The following LRRC8D variants were observed in gnomAD, a reference collection of about 807,000 sequenced individuals.
The protein encoded by LRRC8D is leucine rich repeat containing 8 VRAC subunit D.
A neutral mutation model predicts 55.8 loss-of-function variants in LRRC8D; 20 were observed. The ratio of observed to expected loss-of-function variants is 0.36; its 90% CI spans 0.25 to 0.52. The LOEUF (loss-of-function observed/expected upper bound fraction) is 0.52, where lower values mean the gene tolerates loss of function less well. Among genes scored for constraint, LRRC8D ranks in the 20% least tolerant of loss-of-function variants. The pLI is 0.93. For missense variants in LRRC8D, 651 were observed against 1,030.8 expected, an observed-to-expected ratio of 0.63 and a Z score of 5.05; for synonymous variants, 352 against 377.0, an observed-to-expected ratio of 0.93 and a Z score of 0.77.
At chr1:89,882,692 A>G (rs928734103) in intron 2 of LRRC8D, among the ~76,000 whole-genome samples, 1 of 152,242 alleles carries the variant, frequency 6.6e-6, no homozygotes, top group Non-Finnish European at 1.5e-5. Flanking sequence ...CAAAGTGCTA[A>G]TAAATGTTGA....
Position 89,870,543 on chromosome 1 carries a change from A to G in LRRC8D, c.-3+26761A>G, listed in dbSNP as rs555509853. ...CCTCAGTTTTCTAAGTCAAGAAGAG[A>G]GTCTAGTTAAATTTTGTGTACTTTT... On this transcript the variant is annotated intron_variant, in intron 2 of 2. Transcript: ENST00000337338. Among the ~76,000 whole-genome samples the G allele has an allele frequency of 2.0e-5, 3 of 152,160 alleles. No homozygotes were observed. In the East Asian group the frequency reaches 5.8e-4, roughly 29 times the overall value.
At chr1:89,848,635 A>G (rs1168585094) in intron 2 of LRRC8D, among the ~76,000 whole-genome samples, 2 of 152,148 alleles carry the variant, frequency 1.3e-5, no homozygotes, top group African/African-American at 4.8e-5. Flanking sequence ...ACAAATAGAC[A>G]CTGATTATCT....
intron 2 of LRRC8D, among the ~76,000 whole-genome samples, chr1:89,892,696 T>A (rs1046474183): frequency 2.0e-5 from 3 of 152,070 alleles, no homozygotes; most frequent in Non-Finnish European, 4.4e-5. Context: ...TTTTTTTGTA[T>A]TTTTTAGTAG....
chr1:89,915,676 T>C lies in LRRC8D; in HGVS notation c.-2-17391T>C, dbSNP rs116900770. Among the ~76,000 whole-genome samples, 595 of 152,308 alleles carry C rather than the reference T, an allele frequency of 3.9e-3. 28 individuals are homozygous for C. The East Asian group carries it at 0.1, about 26-fold the overall frequency. On this transcript the variant is annotated intron_variant, in intron 2 of 2. Transcript: ENST00000337338. ...ACCCCAGGGCATATATAAATGTCCT[T>C]TCCTCTGTGGGCCATAAAGTGAAAC... is the stretch of plus-strand genomic sequence containing the variant.
At chr1:89,877,296 C>A (rs1662171347) in intron 2 of LRRC8D, among the ~76,000 whole-genome samples, 1 of 151,918 alleles carries the variant, frequency 6.6e-6, no homozygotes, top group East Asian at 1.9e-4. Flanking sequence ...CTGCCACTTA[C>A]AGCTTTTTGA....
rs1663123434 is a variant in LRRC8D, at chr1:89,911,063, T to C, written c.-2-22004T>C. Among the ~76,000 whole-genome samples, 1 of 152,132 alleles carries C rather than the reference T, an allele frequency of 6.6e-6. No homozygotes were observed. The highest frequency in any genetic ancestry group is 1.5e-5 in the Non-Finnish European group (1 of 68,022). On this transcript the variant is annotated intron_variant, in intron 2 of 2. Coordinates refer to ENST00000337338, the MANE Select transcript of LRRC8D (RefSeq NM_001134479.2). The surrounding 1 kb of genome is among the most constrained non-coding windows in gnomAD (Gnocchi z 4.0). Reference sequence around the variant, plus strand: ...TCTTTTCAGTGTAATCTGACCTGAGTTCTCTGAATGCTTGACCTTCCCAGG... The same window carrying C: ...TCTTTTCAGTGTAATCTGACCTGAGCTCTCTGAATGCTTGACCTTCCCAGG...
Position 89,843,667 on chromosome 1 carries a change from C to G in LRRC8D, c.-118C>G, listed in dbSNP as rs1479607677. ...TGCACGGCTGTCTATAACGTGCTGCCGGGTCTCAGGATGGAGGAGTGAAGT... is the reference window on the plus strand; with the variant it reads ...TGCACGGCTGTCTATAACGTGCTGCGGGGTCTCAGGATGGAGGAGTGAAGT... On this transcript the variant is annotated 5_prime_UTR_variant, in exon 2 of 3. Coordinates refer to ENST00000337338, the MANE Select transcript of LRRC8D (RefSeq NM_001134479.2). 2 of 702,336 alleles carry G rather than the reference C, an allele frequency of 2.8e-6. No individual in the cohort carries two copies. The highest frequency in any genetic ancestry group is 2.3e-4 in the Middle Eastern group (1 of 4,370). The allele number at this position is 702,336 out of a possible 1,614,324, so 43.5% of individuals were successfully genotyped here.
At chr1:89,880,153 G>A (rs1460009325) in intron 2 of LRRC8D, among the ~76,000 whole-genome samples, 1 of 151,136 alleles carries the variant, frequency 6.6e-6, no homozygotes, top group Non-Finnish European at 1.5e-5. Flanking sequence ...GGGCAAGGAG[G>A]AAATTTGATA....
intron 2 of LRRC8D, among the ~76,000 whole-genome samples, chr1:89,882,112 A>G (rs1023371326): frequency 1.3e-5 from 2 of 152,196 alleles, no homozygotes; most frequent in Admixed American, 6.5e-5. Context: ...TATGCTGCCT[A>G]CGGAGCTTTT....
At chr1:89,921,080 C>T (rs1302992653) in intron 2 of LRRC8D, among the ~76,000 whole-genome samples, 2 of 152,152 alleles carry the variant, frequency 1.3e-5, no homozygotes, top group Non-Finnish European at 2.9e-5. Context: ...TGAAAAATTA[C>T]AGGCCAGATG....
At chr1:89,849,481 G>A (rs893981338) in intron 2 of LRRC8D, among the ~76,000 whole-genome samples, 1 of 132,444 alleles carries the variant, frequency 7.6e-6, no homozygotes, top group African/African-American at 2.6e-5. Context: ...CACCAATACT[G>A]CATAATGCCT....
chr1:89,832,290 AT>A (rs1458593699), intron 1 of LRRC8D, among the ~76,000 whole-genome samples: 1 of 152,210 alleles, frequency 6.6e-6, no homozygotes, highest in Non-Finnish European at 1.5e-5. Context: ...GTCTGAGAGG[AT>A]TTTTAAAAGC....
intron 2 of LRRC8D, among the ~76,000 whole-genome samples, chr1:89,900,172 T>C (rs1662815680): frequency 6.6e-6 from 1 of 152,196 alleles, no homozygotes; most frequent in Non-Finnish European, 1.5e-5. Flanking sequence ...TAGGCACTGA[T>C]GGCAGGCAAA....
At chr1:89,850,313 A>C (rs1421469169) in intron 2 of LRRC8D, among the ~76,000 whole-genome samples, 2 of 152,214 alleles carry the variant, frequency 1.3e-5, no homozygotes, top group African/African-American at 4.8e-5. Flanking sequence ...TTAGGGGTAC[A>C]AGTGTATACT....
intron 2 of LRRC8D, among the ~76,000 whole-genome samples, chr1:89,851,434 G>A (rs1661415035): frequency 6.6e-6 from 1 of 152,050 alleles, no homozygotes; most frequent in Admixed American, 6.5e-5. Flanking sequence ...CACACTGAAT[G>A]CTAGGTCACT....
At chr1:89,829,196 G>A (rs887611753) in intron 1 of LRRC8D, among the ~76,000 whole-genome samples, 4 of 152,116 alleles carry the variant, frequency 2.6e-5, no homozygotes, top group East Asian at 1.9e-4. Context: ...TTTTGTTTTC[G>A]TATTTAACTT....
intron 2 of LRRC8D, among the ~76,000 whole-genome samples, chr1:89,917,657 C>T (rs1663309041): frequency 1.3e-5 from 2 of 152,094 alleles, no homozygotes; most frequent in South Asian, 4.1e-4. Context: ...CTGATCTTGC[C>T]AGCTGGAGGA....
chr1:89,826,760 G>T (rs1175582907), intron 1 of LRRC8D, among the ~76,000 whole-genome samples: 1 of 152,158 alleles, frequency 6.6e-6, no homozygotes, highest in Non-Finnish European at 1.5e-5. Context: ...CTAAAAGAAG[G>T]AACACACAGT....
chr1:89,933,839 T>C lies in LRRC8D; in HGVS notation c.771T>C (p.Thr257=). 6 of 1,614,046 alleles carry C rather than the reference T, an allele frequency of 3.7e-6. No individual in the cohort carries two copies. The highest frequency in any genetic ancestry group is 5.1e-6 in the Non-Finnish European group (6 of 1,179,974). ...PSASTPMINK[T]GFKFSAEKPV... ...CCAGTACACCAATGATCAATAAAAC[T>C]GGCTTTAAATTTTCAGCTGAGAAGC... The change falls in exon 3 of 3, where the codon ACT becomes ACC. Residue 257 remains threonine, a synonymous_variant. Coordinates refer to ENST00000337338, the MANE Select transcript of LRRC8D (RefSeq NM_001134479.2). This position sits in a 1 kb window ranked among gnomAD's most constrained non-coding sequence, Gnocchi z 7.0.
Sources: allele counts gnomAD v4.1 joint callset (sites outside exome capture counted in the v4.1 genomes callset), GRCh38; gene constraint gnomAD v4.1.1; non-coding constraint Gnocchi (gnomAD v3.1); transcripts MANE v1.5; gene names NCBI Gene and HGNC (gene_info 2026-07-23, HGNC 2026-07-21).